Variants in ERICH1 observed in about 807,000 individuals in gnomAD.
ERICH1 encodes the protein glutamate rich 1, also known as glutamate-rich protein 1.
Under a neutral mutation model 39.6 loss-of-function variants are expected in ERICH1, and 56 were observed. The observed-to-expected ratio is 1.41, with a 90% confidence interval of 1.14 to 1.77. The LOEUF is 1.77. ERICH1 is among the 40% of genes most tolerant of loss of function. ERICH1 has a pLI of 0.00. For missense variants in ERICH1, 826 were observed against 575.4 expected, an observed-to-expected ratio of 1.44 and a Z score of -4.45; for synonymous variants, 313 against 223.6, an observed-to-expected ratio of 1.40 and a Z score of -3.57.
chr8:716,242 C>T (rs982398405), intron 1 of ERICH1, among the ~76,000 whole-genome samples: 2 of 152,238 alleles, frequency 1.3e-5, no homozygotes, highest in Non-Finnish European at 2.9e-5. Flanking sequence ...CATCAGCTGA[C>T]CCTCTCTCCA....
intron 1 of ERICH1, among the ~76,000 whole-genome samples, chr8:730,545 C>G (rs1437333624): frequency 1.3e-5 from 2 of 152,208 alleles, no homozygotes; most frequent in East Asian, 1.9e-4. Context: ...GCTTTATTTT[C>G]TAACACTTCC....
intron 3 of ERICH1, among the ~76,000 whole-genome samples, chr8:639,422 T>C (rs1404795146): frequency 2.0e-5 from 3 of 152,184 alleles, no homozygotes; most frequent in Admixed American, 6.5e-5. Context: ...AATGAGGAGA[T>C]GATTTGAAAA....
intron 3 of ERICH1, among the ~76,000 whole-genome samples, chr8:631,349 C>T (rs2117116952): frequency 6.6e-6 from 1 of 152,330 alleles, no homozygotes; most frequent in East Asian, 1.9e-4. Flanking sequence ...GTGAAGCTGA[C>T]TCAGCTGCCA....
At chr8:658,866 A>G (rs62486241) in intron 3 of ERICH1, among the ~76,000 whole-genome samples, 2,436 of 152,268 alleles carry the variant, frequency 0.016, 27 homozygotes, top group Middle Eastern at 0.031. Flanking sequence ...CTCCTCCCCA[A>G]TTCCTCCCTG....
chr8:676,801 C>T (rs994019248), intron 3 of ERICH1, among the ~76,000 whole-genome samples: 1 of 152,226 alleles, frequency 6.6e-6, no homozygotes, highest in Non-Finnish European at 1.5e-5. Flanking sequence ...ACGCCAAGGG[C>T]GGGGGTTCAG....
At chr8:701,594 A>G (rs1812163827) in intron 2 of ERICH1, among the ~76,000 whole-genome samples, 1 of 152,220 alleles carries the variant, frequency 6.6e-6, no homozygotes, top group East Asian at 1.9e-4. Context: ...ACAGAGTCGG[A>G]CCACCACCTC....
At chr8:635,777 G>C (rs1380474022) in intron 3 of ERICH1, among the ~76,000 whole-genome samples, 1 of 152,220 alleles carries the variant, frequency 6.6e-6, no homozygotes, top group Non-Finnish European at 1.5e-5. Flanking sequence ...GTGTGTGTGT[G>C]TCCGTGAGTC....
At chr8:674,758 G>T (rs1220953565) in intron 3 of ERICH1, among the ~76,000 whole-genome samples, 1 of 152,210 alleles carries the variant, frequency 6.6e-6, no homozygotes, top group Non-Finnish European at 1.5e-5. Flanking sequence ...AAGTAATGAT[G>T]ATTTGCCCAT....
intron 2 of ERICH1, among the ~76,000 whole-genome samples, chr8:712,035 G>C (rs1048466341): frequency 2.0e-5 from 3 of 152,134 alleles, no homozygotes; most frequent in African/African-American, 7.2e-5. Flanking sequence ...ACGCTGTCTT[G>C]ATTACTGTAG....
Position 692,546 on chromosome 8 carries a change from A to T in ERICH1, c.236T>A (p.Val79Asp), listed in dbSNP as rs1193738149. 1.2e-6 allele frequency: 2 copies of T among 1,613,470 alleles called. No individual in the cohort carries two copies. Among genetic ancestry groups the T allele is most frequent in the African/African-American group, 2.7e-5 (2 of 74,806 alleles). The stretch of plus-strand genomic sequence containing the variant: ...GCTGCTGGGCTCCGGCCAACAGGGG[A>T]CGTAGCCCTCAGGAGGCCCGCTGGC... ...YTASGPPEGY[V>D]PCWPEPSSCG... The change falls in exon 3 of 6, where the codon GTC becomes GAC. Residue 79 changes from valine (V) to aspartate (D), a missense_variant. Transcript: ENST00000262109.
rs575291400 is a variant in ERICH1, at chr8:647,969, G to C, written c.976+20629C>G. ...ACTGCATCAGTTACTGAAAGGAGGA[G>C]GGCGGAATGGACATGAGGACAACTC... On this transcript the variant is annotated intron_variant, in intron 3 of 3. Transcript: ENST00000522706. 1.1e-3 allele frequency among the ~76,000 whole-genome samples: 77 copies of C among 67,956 alleles called. 26 individuals are homozygous for C. The highest frequency in any genetic ancestry group is 2.9e-3 in the African/African-American group (75 of 26,192). The allele number at this position is 67,956 out of a possible 152,430, so 44.6% of individuals were successfully genotyped here. A position where few individuals can be genotyped will look rare whatever the true frequency, so the allele number is the denominator to read the frequency against.
chr8:639,847 C>T (rs1259019056), intron 3 of ERICH1, among the ~76,000 whole-genome samples: 2 of 127,458 alleles, frequency 1.6e-5, no homozygotes, highest in Non-Finnish European at 3.3e-5. Flanking sequence ...CACCAAGCAC[C>T]CTGGATTCAG....
intron 2 of ERICH1, among the ~76,000 whole-genome samples, chr8:701,806 A>C (rs968480385): frequency 1.3e-5 from 2 of 152,186 alleles, no homozygotes; most frequent in Non-Finnish European, 2.9e-5. Context: ...AAAAATGAAA[A>C]GGCAGCCAGG....
At chr8:686,174 T>C (rs904197313) in intron 3 of ERICH1, among the ~76,000 whole-genome samples, 7 of 152,066 alleles carry the variant, frequency 4.6e-5, no homozygotes, top group African/African-American at 1.7e-4. Flanking sequence ...ATCATCATCA[T>C]CATCTTCTAC....
intron 3 of ERICH1, among the ~76,000 whole-genome samples, chr8:627,702 C>T (rs1797672513): frequency 6.6e-6 from 1 of 152,224 alleles, no homozygotes; most frequent in Non-Finnish European, 1.5e-5. Context: ...GTTGCTCACC[C>T]CAGGGCTCCT....
chr8:705,324 C>T (rs961214043), intron 2 of ERICH1, among the ~76,000 whole-genome samples: 8 of 152,384 alleles, frequency 5.2e-5, no homozygotes, highest in African/African-American at 1.4e-4. Context: ...GGACACTGCG[C>T]GATGGCCCGT....
At chr8:694,709 C>A (rs1233025038) in intron 2 of ERICH1, among the ~76,000 whole-genome samples, 1 of 152,194 alleles carries the variant, frequency 6.6e-6, no homozygotes, top group Non-Finnish European at 1.5e-5. Flanking sequence ...CCCATAATAC[C>A]TTCTGGTTCT....
At chr8:640,326 G>C (rs1221305137) in intron 3 of ERICH1, among the ~76,000 whole-genome samples, 1 of 152,218 alleles carries the variant, frequency 6.6e-6, no homozygotes, top group African/African-American at 2.4e-5. Context: ...ACAAGCCCCA[G>C]GTGGCAGGGC....
At chr8:726,557 G>C (rs914433518) in intron 1 of ERICH1, among the ~76,000 whole-genome samples, 35 of 149,336 alleles carry the variant, frequency 2.3e-4, no homozygotes, top group African/African-American at 8.7e-4. Flanking sequence ...ACAGACACGT[G>C]TACACAGGCA....
Sources: allele counts gnomAD v4.1 joint callset (sites outside exome capture counted in the v4.1 genomes callset), GRCh38; gene constraint gnomAD v4.1.1; transcripts MANE v1.5; gene names NCBI Gene and HGNC (gene_info 2026-07-23, HGNC 2026-07-21).